The following SEPTIN7 variants were observed in gnomAD, a reference collection of about 807,000 sequenced individuals.
The protein encoded by SEPTIN7 is septin-7.
A neutral mutation model predicts 63.3 loss-of-function variants in SEPTIN7; 10 were observed. The ratio of observed to expected loss-of-function variants is 0.16; its 90% CI spans 0.10 to 0.27. The LOEUF (loss-of-function observed/expected upper bound fraction) is 0.27, where lower values mean the gene tolerates loss of function less well. Ranked by LOEUF, SEPTIN7 falls within the 10% of genes least tolerant of loss-of-function variation. The probability of loss-of-function intolerance (pLI) is 1.00; values close to 1 mark genes in which losing one functional copy is unlikely to be tolerated. For synonymous variants in SEPTIN7, 131 were observed against 165.3 expected (o/e 0.79, Z 1.59); for missense variants, 310 against 521.0 (o/e 0.59, Z 3.94).
At chr7:35,849,799 T>TG (rs1261193928) in intron 3 of SEPTIN7, among the ~76,000 whole-genome samples, 1 of 152,222 alleles carries the variant, frequency 6.6e-6, no homozygotes, top group African/African-American at 2.4e-5. Context: ...AAAGGCCTTC[T>TG]GGTTGTCTTT....
At chr7:35,823,219 G>A (rs369702959) in intron 1 of SEPTIN7, among the ~76,000 whole-genome samples, 4 of 151,754 alleles carry the variant, frequency 2.6e-5, no homozygotes, top group Admixed American at 6.6e-5. Context: ...TTATTTTTTC[G>A]AGACAGAGTT....
chr7:35,882,395 T>C lies in SEPTIN7; in HGVS notation c.631-89T>C, dbSNP rs1786939474. 3.1e-6 allele frequency: 3 copies of C among 958,418 alleles called. No individual in the cohort carries two copies. In the Admixed American group the frequency reaches 1.4e-4, roughly 44 times the overall value. The allele number at this position is 958,418 out of a possible 1,614,324, so 59.4% of individuals were successfully genotyped here. On this transcript the variant is annotated intron_variant, in intron 7 of 13. Coordinates refer to ENST00000350320, the MANE Select transcript of SEPTIN7 (RefSeq NM_001788.6). ...TAAAGGATCTGGAACCAAGGACCCA[T>C]ATAGGAATCGAAGAGGCATGTAATG...
At chr7:35,858,460 A>ATTC (rs1026130691) in intron 3 of SEPTIN7, among the ~76,000 whole-genome samples, 12 of 151,474 alleles carry the variant, frequency 7.9e-5, no homozygotes, top group Non-Finnish European at 1.6e-4. Context: ...GATTCAAGCA[A>ATTC]TTCTCCTGCC....
chr7:35,858,692 T>C (rs2116113998), intron 3 of SEPTIN7, among the ~76,000 whole-genome samples: 1 of 149,728 alleles, frequency 6.7e-6, no homozygotes, highest in Non-Finnish European at 1.5e-5. Context: ...TTTTTTTTTT[T>C]TTTTTGAGAC....
At chr7:35,879,200 G>T (rs1334504181) in intron 6 of SEPTIN7, among the ~76,000 whole-genome samples, 1 of 152,162 alleles carries the variant, frequency 6.6e-6, no homozygotes, top group African/African-American at 2.4e-5. Context: ...TATCTTGTGA[G>T]CATCTTGTCA....
At chr7:35,882,348 A>G (rs1346520801) in intron 7 of SEPTIN7, 136 bp from the exon 8 acceptor site, 2 of 574,128 alleles carry the variant, frequency 3.5e-6, no homozygotes, top group East Asian at 4.3e-5. Context: ...TTAGATTACA[A>G]CTTTGCATCA....
intron 1 of SEPTIN7, among the ~76,000 whole-genome samples, chr7:35,813,016 C>A (rs186232819): frequency 6.6e-6 from 1 of 152,050 alleles, no homozygotes; most frequent in South Asian, 2.1e-4. Flanking sequence ...GATATAAGTC[C>A]GGAGGCCTTA....
At chr7:35,833,199 GTTAC>G (rs1783916804) in intron 3 of SEPTIN7, among the ~76,000 whole-genome samples, 1 of 151,976 alleles carries the variant, frequency 6.6e-6, no homozygotes, top group Non-Finnish European at 1.5e-5. Context: ...GCATCTGGTG[GTTAC>G]TTACTACTCC....
chr7:35,828,026 A>G (rs1275189038), intron 1 of SEPTIN7, among the ~76,000 whole-genome samples: 1 of 152,218 alleles, frequency 6.6e-6, no homozygotes, highest in Non-Finnish European at 1.5e-5. Context: ...AGAGATGAAT[A>G]TGACATGGTT....
At chr7:35,900,412 C>A (rs1788249055) in intron 12 of SEPTIN7, 1 of 152,224 alleles carries the variant, frequency 6.6e-6, no homozygotes, top group Non-Finnish European at 1.5e-5. Flanking sequence ...CATACACACA[C>A]ACCCCTAATC....
chr7:35,896,031 A>G (rs1270686830), intron 11 of SEPTIN7, among the ~76,000 whole-genome samples: 1 of 152,144 alleles, frequency 6.6e-6, no homozygotes, highest in Non-Finnish European at 1.5e-5. Context: ...CGCTGGTTTC[A>G]AACTCGTGAC....
chr7:35,807,163 T>C (rs180925018), intron 1 of SEPTIN7, among the ~76,000 whole-genome samples: 1 of 152,192 alleles, frequency 6.6e-6, no homozygotes, highest in East Asian at 1.9e-4. Context: ...TCTGTTTTCA[T>C]TTCTGAAATT....
intron 1 of SEPTIN7, among the ~76,000 whole-genome samples, chr7:35,821,036 G>A (rs1309880351): frequency 6.6e-6 from 1 of 151,460 alleles, no homozygotes; most frequent in Admixed American, 6.6e-5. Flanking sequence ...GTTTGAGAGT[G>A]AGGCTTTGAA....
intron 4 of SEPTIN7, among the ~76,000 whole-genome samples, chr7:35,869,049 G>C (rs1785986280): frequency 6.6e-6 from 1 of 152,154 alleles, no homozygotes; most frequent in Non-Finnish European, 1.5e-5. Context: ...GAGGTTGAAA[G>C]TCATGAATTT....
intron 6 of SEPTIN7, among the ~76,000 whole-genome samples, chr7:35,878,445 A>T (rs1359538519): frequency 6.6e-6 from 1 of 152,176 alleles, no homozygotes. Flanking sequence ...TTAGCTTGAG[A>T]ATCTATGTCT....
At chr7:35,820,605 G>A (rs1789355523) in intron 1 of SEPTIN7, among the ~76,000 whole-genome samples, 1 of 152,032 alleles carries the variant, frequency 6.6e-6, no homozygotes, top group Admixed American at 6.6e-5. Flanking sequence ...TCTATTTGAT[G>A]AACATTGTTT....
intron 12 of SEPTIN7, chr7:35,899,103 A>G (rs1788138106): frequency 6.6e-6 from 1 of 152,262 alleles, no homozygotes; most frequent in Non-Finnish European, 1.5e-5. Flanking sequence ...GGAGAAAAAG[A>G]TAAACTGAAC....
chr7:35,850,479 T>C (rs1347213416), intron 3 of SEPTIN7, among the ~76,000 whole-genome samples: 1 of 152,224 alleles, frequency 6.6e-6, no homozygotes, highest in African/African-American at 2.4e-5. Flanking sequence ...GGTAAAACAT[T>C]CTGAAAGGAC....
At chr7:35,808,146 A>C (rs2115675346) in intron 1 of SEPTIN7, among the ~76,000 whole-genome samples, 1 of 152,050 alleles carries the variant, frequency 6.6e-6, no homozygotes, top group South Asian at 2.1e-4. Flanking sequence ...TTTTTTTAAT[A>C]GGTAATATAA....
Sources: allele counts gnomAD v4.1 joint callset (sites outside exome capture counted in the v4.1 genomes callset), GRCh38; gene constraint gnomAD v4.1.1; transcripts MANE v1.5; gene names NCBI Gene and HGNC (gene_info 2026-07-23, HGNC 2026-07-21).